Variants in EEFSEC observed in about 807,000 individuals in gnomAD.
The protein encoded by EEFSEC is selenocysteine-specific elongation factor.
A neutral mutation model predicts 42.1 loss-of-function variants in EEFSEC; 43 were observed. That is an observed-to-expected ratio of 1.02 (90% CI 0.80 to 1.32). EEFSEC has a LOEUF of 1.32. Ranked by LOEUF, EEFSEC falls within the 40% of genes most tolerant of loss-of-function variation. EEFSEC has a pLI of 0.00. For synonymous variants in EEFSEC, 354 were observed against 339.1 expected (o/e 1.04, Z -0.48); for missense variants, 745 against 803.6 (o/e 0.93, Z 0.88).
intron 1 of EEFSEC, among the ~76,000 whole-genome samples, chr3:128,198,040 C>G (rs536756747): frequency 6.6e-6 from 1 of 152,076 alleles, no homozygotes; most frequent in African/African-American, 2.4e-5. Context: ...TGTGCAGTTC[C>G]GAGCTCAGGG....
At chr3:128,279,708 A>C (rs115224174) in intron 4 of EEFSEC, among the ~76,000 whole-genome samples, 2,850 of 152,286 alleles carry the variant, frequency 0.019, 38 homozygotes, top group Non-Finnish European at 0.03. Flanking sequence ...GTTGCTCCAC[A>C]CATTCCCTGT....
At chr3:128,304,923 C>T (rs1267238950) in intron 4 of EEFSEC, among the ~76,000 whole-genome samples, 1 of 152,048 alleles carries the variant, frequency 6.6e-6, no homozygotes, top group Non-Finnish European at 1.5e-5. Context: ...AAGCTGGTCT[C>T]GAACTCCTGA....
chr3:128,242,700 T>C (rs2066084730), intron 1 of EEFSEC, among the ~76,000 whole-genome samples: 1 of 152,214 alleles, frequency 6.6e-6, no homozygotes, highest in Non-Finnish European at 1.5e-5. Flanking sequence ...AGATATATAA[T>C]TTACAGAATT....
intron 1 of EEFSEC, 99 bp downstream of exon 1, chr3:128,153,922 C>A: frequency 7.1e-7 from 1 of 1,403,090 alleles, no homozygotes. Context: ...GACGGGAAAT[C>A]GCCCCACCTC....
intron 2 of EEFSEC, among the ~76,000 whole-genome samples, chr3:128,251,665 T>G (rs2066188444): frequency 6.6e-6 from 1 of 152,226 alleles, no homozygotes; most frequent in South Asian, 2.1e-4. Flanking sequence ...TTTTAATTTT[T>G]GGGAGTGTTT....
chr3:128,182,235 G>A (rs2065415852), intron 1 of EEFSEC, among the ~76,000 whole-genome samples: 1 of 152,052 alleles, frequency 6.6e-6, no homozygotes, highest in South Asian at 2.1e-4. Flanking sequence ...CCGCACATCT[G>A]GGAGAAGAGT....
At chr3:128,275,283 A>G (rs778376310) in intron 4 of EEFSEC, among the ~76,000 whole-genome samples, 32 of 152,212 alleles carry the variant, frequency 2.1e-4, no homozygotes, top group Non-Finnish European at 3.7e-4. Context: ...GTTGTGCCCA[A>G]TGCAAGCATG....
chr3:128,387,570 G>A (rs1006670894), intron 6 of EEFSEC, among the ~76,000 whole-genome samples: 10 of 152,102 alleles, frequency 6.6e-5, no homozygotes, highest in African/African-American at 2.2e-4. Context: ...ATACCAGCCT[G>A]AATTAAGTCG....
At chr3:128,346,096 G>A (rs2067309549) in intron 5 of EEFSEC, among the ~76,000 whole-genome samples, 1 of 152,212 alleles carries the variant, frequency 6.6e-6, no homozygotes, top group South Asian at 2.1e-4. Context: ...TATTTCCTGT[G>A]CGTCTGCATC....
At chr3:128,394,629 A>C (rs553543237) in intron 6 of EEFSEC, among the ~76,000 whole-genome samples, 1 of 152,158 alleles carries the variant, frequency 6.6e-6, no homozygotes, top group African/African-American at 2.4e-5. Context: ...TTAGGGAGTG[A>C]GTGTTTGGAG....
At chr3:128,237,887 T>C (rs1334999339) in intron 1 of EEFSEC, among the ~76,000 whole-genome samples, 1 of 152,206 alleles carries the variant, frequency 6.6e-6, no homozygotes, top group Non-Finnish European at 1.5e-5. Context: ...GTGCACTTTG[T>C]TCTCCTTCCT....
At chr3:128,265,952 G>A (rs987760189) in intron 4 of EEFSEC, among the ~76,000 whole-genome samples, 2 of 152,178 alleles carry the variant, frequency 1.3e-5, no homozygotes, top group African/African-American at 4.8e-5. Context: ...AAATAGATAC[G>A]TTTTTTAAGG....
chr3:128,160,841 T>G (rs2065178693), intron 1 of EEFSEC, among the ~76,000 whole-genome samples: 1 of 152,096 alleles, frequency 6.6e-6, no homozygotes, highest in South Asian at 2.1e-4. Context: ...CTATCTTAAC[T>G]TAGAGAAAAT....
chr3:128,309,306 G>A (rs1443959699), intron 4 of EEFSEC, among the ~76,000 whole-genome samples: 1 of 152,178 alleles, frequency 6.6e-6, no homozygotes, highest in Non-Finnish European at 1.5e-5. Context: ...GGAGGCGATA[G>A]CTGAGAGAGG....
chr3:128,322,820 C>A (rs990900419), intron 4 of EEFSEC, among the ~76,000 whole-genome samples: 1 of 152,176 alleles, frequency 6.6e-6, no homozygotes, highest in African/African-American at 2.4e-5. Context: ...TGGTTTGGAC[C>A]TTGCTGCCAC....
chr3:128,393,388 G>A lies in EEFSEC; in HGVS notation c.1601-14681G>A, dbSNP rs537807819. On this transcript the variant is annotated intron_variant, in intron 6 of 6. Coordinates refer to ENST00000254730, the MANE Select transcript of EEFSEC (RefSeq NM_021937.5). The stretch of plus-strand genomic sequence containing the variant: ...GTGTGTCCCAGATGGGAGTCCTGGC[G>A]TTCACGCTGCTGCAGAAACATGAAC... Among the ~76,000 whole-genome samples, 18 of 152,318 alleles carry A rather than the reference G, an allele frequency of 1.2e-4. No individual in the cohort carries two copies. In the South Asian group the frequency reaches 2.5e-3, roughly 21 times the overall value.
At chr3:128,334,335 G>GT (rs1360161420) in intron 4 of EEFSEC, among the ~76,000 whole-genome samples, 1 of 152,238 alleles carries the variant, frequency 6.6e-6, no homozygotes, top group Non-Finnish European at 1.5e-5. Context: ...GGCTCAGGCT[G>GT]TGTGGGCTCT....
At chr3:128,175,144 C>T (rs1490544684) in intron 1 of EEFSEC, among the ~76,000 whole-genome samples, 4 of 151,576 alleles carry the variant, frequency 2.6e-5, no homozygotes, top group South Asian at 2.1e-4. Flanking sequence ...CGCCTCCCCC[C>T]GCTCCTCCTT....
the EEFSEC span, among the ~76,000 whole-genome samples, chr3:128,417,133 A>G: frequency 6.6e-6 from 1 of 151,718 alleles, no homozygotes; most frequent in African/African-American, 2.4e-5. This position sits in a 1 kb window ranked among gnomAD's most constrained non-coding sequence, Gnocchi z 4.3. Flanking sequence ...GGACCATCAC[A>G]ATTGCCTCAC....
Sources: allele counts gnomAD v4.1 joint callset (sites outside exome capture counted in the v4.1 genomes callset), GRCh38; gene constraint gnomAD v4.1.1; non-coding constraint Gnocchi (gnomAD v3.1); transcripts MANE v1.5; gene names NCBI Gene and HGNC (gene_info 2026-07-23, HGNC 2026-07-21).